Variants in NPY2R observed in about 807,000 individuals in gnomAD.
NPY2R encodes the protein neuropeptide Y receptor type 2.
NPY2R carries 17 observed loss-of-function variants against 22.3 expected under a neutral mutation model. The observed-to-expected ratio is 0.76, with a 90% CI of 0.52 to 1.14. NPY2R has a LOEUF of 1.14. NPY2R is among the 50% of genes most tolerant of loss of function. The pLI is 0.00. For synonymous variants in NPY2R, 209 were observed against 183.4 expected, an observed-to-expected ratio of 1.14 and a Z score of -1.13; for missense variants, 424 against 467.9, an observed-to-expected ratio of 0.91 and a Z score of 0.87.
At chr4:155,185,141 G>C in the NPY2R span, among the ~76,000 whole-genome samples, 6 of 151,402 alleles carry the variant, frequency 4.0e-5, no homozygotes. Flanking sequence ...CCAGGTTCAA[G>C]CGATTCTCCT....
Position 155,215,532 on chromosome 4 carries a change from G to A in NPY2R, c.*447G>A, listed in dbSNP as rs761316144. The A allele has an allele frequency of 2.9e-5, 6 of 208,484 alleles. No individual in the cohort carries two copies. The highest frequency in any genetic ancestry group is 5.4e-5 in the Non-Finnish European group (5 of 93,366). 12.9% of individuals were successfully genotyped at this position (208,484 alleles called of 1,614,324 possible). A position where few individuals can be genotyped will look rare whatever the true frequency, so the allele number is the denominator to read the frequency against. ...CACCACTGAACAGAAATTTCTCCAG[G>A]GAGCCACAGGCTCTCCTTCATCGCA... On this transcript the variant is annotated 3_prime_UTR_variant, in exon 2 of 2. Transcript: ENST00000329476.
chr4:155,184,094 C>T, the NPY2R span, among the ~76,000 whole-genome samples: 1 of 152,142 alleles, frequency 6.6e-6, no homozygotes, highest in African/African-American at 2.4e-5. Context: ...TTGATGATAT[C>T]TTGTTCCATT....
chr4:155,180,219 C>T, the NPY2R span, among the ~76,000 whole-genome samples: 2 of 152,072 alleles, frequency 1.3e-5, no homozygotes, highest in African/African-American at 4.8e-5. Context: ...TGCACCTGGC[C>T]TGAAACTGTT....
At chr4:155,186,905 T>G in the NPY2R span, among the ~76,000 whole-genome samples, 1 of 152,164 alleles carries the variant, frequency 6.6e-6, no homozygotes, top group African/African-American at 2.4e-5. Context: ...TGGCTATCAG[T>G]TAAAAGAAAA....
At chr4:155,190,872 T>A in the NPY2R span, among the ~76,000 whole-genome samples, 1 of 151,960 alleles carries the variant, frequency 6.6e-6, no homozygotes, top group Non-Finnish European at 1.5e-5. Flanking sequence ...ATGTTGGCTC[T>A]CTCATTGTTA....
chr4:155,195,629 A>C, the NPY2R span, among the ~76,000 whole-genome samples: 1 of 151,984 alleles, frequency 6.6e-6, no homozygotes, highest in Admixed American at 6.6e-5. Context: ...TCTTAGTGGC[A>C]TATAATATAA....
At chr4:155,210,499 A>G (rs1366910938) in intron 1 of NPY2R, among the ~76,000 whole-genome samples, 1 of 152,174 alleles carries the variant, frequency 6.6e-6, no homozygotes, top group East Asian at 1.9e-4. Flanking sequence ...AGTCTCTTTA[A>G]TTCTGTAAAT....
chr4:155,174,462 TTATA>T, the NPY2R span, among the ~76,000 whole-genome samples: 3 of 116,674 alleles, frequency 2.6e-5, no homozygotes, highest in East Asian at 2.6e-4. Flanking sequence ...TGGCTAAGCT[TTATA>T]TATATATATA....
intron 1 of NPY2R, among the ~76,000 whole-genome samples, chr4:155,213,348 A>T (rs1342401529): frequency 1.3e-5 from 2 of 152,200 alleles, no homozygotes; most frequent in Non-Finnish European, 2.9e-5. Flanking sequence ...ATCCTGCACC[A>T]AAAACAGAAT....
At chr4:155,182,041 C>A in the NPY2R span, among the ~76,000 whole-genome samples, 140 of 152,180 alleles carry the variant, frequency 9.2e-4, no homozygotes, top group African/African-American at 3.1e-3. Flanking sequence ...AGCAGTAGAA[C>A]TAAAGGAATA....
chr4:155,195,279 T>A, the NPY2R span, among the ~76,000 whole-genome samples: 1 of 151,920 alleles, frequency 6.6e-6, no homozygotes, highest in East Asian at 1.9e-4. Flanking sequence ...ATCCCTTTAT[T>A]TATTGGCATA....
chr4:155,173,740 T>C, the NPY2R span: 2 of 151,970 alleles, frequency 1.3e-5, no homozygotes, highest in Non-Finnish European at 2.9e-5. Flanking sequence ...GGAACCATAT[T>C]CATTCAGATA....
rs767927807 is a variant in NPY2R, at chr4:155,214,693, C to T, written c.754C>T (p.Pro252Ser). 39 of 1,614,188 alleles carry T rather than the reference C, an allele frequency of 2.4e-5. No homozygotes were observed. The highest frequency in any genetic ancestry group is 3.2e-5 in the Non-Finnish European group (38 of 1,180,044). ...IWSKLKNHVS[P>S]GAANDHYHQR... ...GAGTAAATTGAAGAACCATGTCAGT[C>T]CTGGAGCTGCAAATGACCACTACCA... The change falls in exon 2 of 2, where the codon CCT becomes TCT. Residue 252 changes from proline (P) to serine (S), a missense_variant. By Grantham distance (74) the Pro-to-Ser change is moderately conservative. Transcript: ENST00000329476.
chr4:155,188,238 G>A, the NPY2R span, among the ~76,000 whole-genome samples: 3 of 151,978 alleles, frequency 2.0e-5, no homozygotes, highest in African/African-American at 7.2e-5. Flanking sequence ...TTGATAATCA[G>A]GCTCTTTCCT....
At position 155,216,160 on chromosome 4, in the gene NPY2R, G is replaced by C. The variant is rs542311949; in HGVS notation, c.*1075G>C. On this transcript the variant is annotated 3_prime_UTR_variant, in exon 2 of 2. Coordinates refer to ENST00000329476, the MANE Select transcript of NPY2R (RefSeq NM_000910.4). ...CATTAAAATGGACCTATCTGTAAGA[G>C]GTACTAAAAACACTGGATTCATTTC... 7 of 167,010 alleles carry C rather than the reference G, an allele frequency of 4.2e-5. No homozygotes were observed. The South Asian group carries it at 1.5e-3, about 35-fold the overall frequency. The allele number at this position is 167,010 out of a possible 1,614,324, so 10.3% of individuals were successfully genotyped here.
the NPY2R span, among the ~76,000 whole-genome samples, chr4:155,175,380 A>G: frequency 2.6e-5 from 4 of 152,120 alleles, no homozygotes; most frequent in African/African-American, 9.7e-5. Flanking sequence ...CCTGAACATC[A>G]GTTAAACCCC....
chr4:155,202,175 C>A, the NPY2R span, among the ~76,000 whole-genome samples: 1 of 152,116 alleles, frequency 6.6e-6, no homozygotes, highest in African/African-American at 2.4e-5. Flanking sequence ...AAGATGGTAT[C>A]CCAATGCTGG....
the NPY2R span, among the ~76,000 whole-genome samples, chr4:155,177,461 C>T: frequency 6.6e-6 from 1 of 151,886 alleles, no homozygotes; most frequent in Non-Finnish European, 1.5e-5. Flanking sequence ...GACTCCATGT[C>T]GAACCTCTGG....
chr4:155,181,797 C>T, the NPY2R span, among the ~76,000 whole-genome samples: 1 of 151,964 alleles, frequency 6.6e-6, no homozygotes, highest in African/African-American at 2.4e-5. Context: ...TTTGGCAACC[C>T]AAATGGACTA....
Sources: gnomAD v4.1 joint callset for allele counts (sites outside exome capture counted in the v4.1 genomes callset) on GRCh38, gnomAD v4.1.1 for gene constraint, MANE v1.5 for transcripts, NCBI Gene and HGNC (gene_info 2026-07-23, HGNC 2026-07-21) for gene names.